The following SLF1 variants were observed in gnomAD, a reference collection of about 807,000 sequenced individuals.
SLF1 encodes the protein SMC5/6 complex localization factor 1, also known as SMC5-SMC6 complex localization factor protein 1.
A neutral mutation model predicts 123.0 loss-of-function variants in SLF1; 105 were observed. The observed-to-expected ratio is 0.85, with a 90% confidence interval of 0.73 to 1.00. The LOEUF is 1.00. SLF1 is among the 50% of genes least tolerant of loss of function. The pLI is 0.00. For missense variants in SLF1, 1,239 were observed against 1,223.0 expected (o/e 1.01, Z -0.20); for synonymous variants, 434 against 406.6 (o/e 1.07, Z -0.81).
intron 6 of SLF1, 68 bp downstream of exon 6, chr5:94,649,665 A>G (rs1747451567): frequency 1.5e-6 from 2 of 1,300,726 alleles, no homozygotes; most frequent in Admixed American, 3.2e-5. Context: ...GAGGCAAAGT[A>G]TGGTGGAAAA....
At chr5:94,637,425 T>C (rs1745940287) in intron 4 of SLF1, among the ~76,000 whole-genome samples, 2 of 152,080 alleles carry the variant, frequency 1.3e-5, no homozygotes, top group African/African-American at 4.8e-5. Context: ...AGCTGCAGGC[T>C]AGGCACTGCA....
rs959677830 is a variant in SLF1 at position 94,689,384 on chromosome 5, G to A, written c.2286-89G>A. 7 of 1,328,540 alleles carry A rather than the reference G, an allele frequency of 5.3e-6. No homozygotes were observed. In the African/African-American group the frequency reaches 1.0e-4, roughly 20 times the overall value. The allele number at this position is 1,328,540 out of a possible 1,614,324, so 82.3% of individuals were successfully genotyped here. On this transcript the variant is annotated intron_variant, in intron 17 of 20. Coordinates refer to ENST00000265140, the MANE Select transcript of SLF1 (RefSeq NM_032290.4). ...GAGTAAGGGAGTTTAAATTAAAAGG[G>A]GGCTAGACTTTTAAAAAATACCATC...
At chr5:94,634,660 A>C (rs1157717056) in intron 4 of SLF1, among the ~76,000 whole-genome samples, 5 of 152,170 alleles carry the variant, frequency 3.3e-5, no homozygotes, top group African/African-American at 1.2e-4. Flanking sequence ...GCTCTTTAAC[A>C]TACTGGTTTA....
At chr5:94,631,970 CTTTTTTT>C (rs1021934536) in intron 4 of SLF1, among the ~76,000 whole-genome samples, 3 of 108,788 alleles carry the variant, frequency 2.8e-5, no homozygotes, top group East Asian at 4.7e-4. Flanking sequence ...TTTTTTCTTT[CTTTTTTT>C]TTTTTTTTTT....
intron 15 of SLF1, among the ~76,000 whole-genome samples, chr5:94,680,852 T>C (rs970760987): frequency 5.3e-5 from 8 of 152,218 alleles, no homozygotes; most frequent in Non-Finnish European, 1.5e-5. Context: ...AACCTAGAAC[T>C]TTGATTCTGT....
Position 94,688,544 on chromosome 5 carries a change from G to A in SLF1, c.2160G>A (p.Val720=). ...SYLPALGKTG[V]LGSGKIQVSK... Reference sequence around the variant, plus strand: ...TACCAGCCTTGGGGAAAACTGGTGTGCTTGGGTCTGGAAAGATTCAGGTGT... The same window carrying A: ...TACCAGCCTTGGGGAAAACTGGTGTACTTGGGTCTGGAAAGATTCAGGTGT... Residue 720 remains valine (V), a synonymous_variant, in exon 17 of 21, where the codon GTG becomes GTA. Coordinates refer to ENST00000265140, the MANE Select transcript of SLF1 (RefSeq NM_032290.4). 1.2e-6 allele frequency: 2 copies of A among 1,614,086 alleles called. No homozygotes were observed. The highest frequency in any genetic ancestry group is 1.7e-6 in the Non-Finnish European group (2 of 1,179,974).
rs1791395327 is a variant in SLF1, at chr5:94,619,289, TTTTTTTTTTAAA to T, written c.-1+525_-1+536del. On this transcript the variant is annotated intron_variant, in intron 1 of 20. Coordinates refer to ENST00000265140, the MANE Select transcript of SLF1 (RefSeq NM_032290.4). Reference sequence around the variant, plus strand: ...TCATTCTTTCCTCTCTAGTAGAATTTTTTTTTTTTAAACTGCTAAAACGGCAGTGATCCTATC... The same window carrying T: ...TCATTCTTTCCTCTCTAGTAGAATTTCTGCTAAAACGGCAGTGATCCTATC... 3.9e-5 allele frequency among the ~76,000 whole-genome samples: 6 copies of T among 152,044 alleles called. No individual in the cohort carries two copies. The South Asian group carries it at 1.2e-3, about 32-fold the overall frequency.
intron 4 of SLF1, among the ~76,000 whole-genome samples, chr5:94,636,735 T>G (rs1391376642): frequency 2.0e-5 from 2 of 100,442 alleles, no homozygotes; most frequent in Non-Finnish European, 4.2e-5. Flanking sequence ...TTTTTTTTTT[T>G]GAGATGGAAC....
At chr5:94,625,956 A>T (rs955760118) in intron 1 of SLF1, among the ~76,000 whole-genome samples, 8 of 152,088 alleles carry the variant, frequency 5.3e-5, no homozygotes, top group African/African-American at 1.9e-4. Flanking sequence ...AAATGGTTTT[A>T]AAAAATTGTA....
chr5:94,658,212 T>G (rs1748658644), intron 9 of SLF1, among the ~76,000 whole-genome samples: 1 of 151,828 alleles, frequency 6.6e-6, no homozygotes, highest in Non-Finnish European at 1.5e-5. Flanking sequence ...TCATTTGTAT[T>G]TTTGCTTTAC....
Position 94,692,247 on chromosome 5 carries a change from C to T in SLF1, c.2686C>T (p.Gln896Ter), listed in dbSNP as rs762315532. 2 of 1,613,410 alleles carry T rather than the reference C, an allele frequency of 1.2e-6. No homozygotes were observed. Among genetic ancestry groups the T allele is most frequent in the South Asian group, 1.1e-5 (1 of 91,026 alleles). Residue 896 changes from glutamine (Q) to a stop codon, truncating the protein, a stop_gained, in exon 20 of 21, where the codon CAG (glutamine) becomes TAG (stop). Transcript: ENST00000265140. LOFTEE classifies it high-confidence loss of function. ...TGTAGAAATTGGCAAGCTGCTACTA[C>T]AGCATGGGGGTGAGTGTGTTTATGC... ...GHVEIGKLLL[Q>*]HGGPVLLQQR...
chr5:94,685,569 T>G (rs1752321191), intron 15 of SLF1, among the ~76,000 whole-genome samples: 1 of 152,204 alleles, frequency 6.6e-6, no homozygotes, highest in Non-Finnish European at 1.5e-5. Flanking sequence ...AGTCACTCCT[T>G]TATCACTTTG....
chr5:94,647,890 TCATA>T (rs1427916560), intron 5 of SLF1, among the ~76,000 whole-genome samples: 1 of 152,214 alleles, frequency 6.6e-6, no homozygotes, highest in Non-Finnish European at 1.5e-5. Context: ...GGTACTAGTA[TCATA>T]CATCTTAATT....
At chr5:94,622,539 A>G (rs535150230) in intron 1 of SLF1, among the ~76,000 whole-genome samples, 1 of 152,264 alleles carries the variant, frequency 6.6e-6, no homozygotes, top group South Asian at 2.1e-4. Flanking sequence ...CTCAGATAAA[A>G]CCTAAAAGTC....
At chr5:94,679,096 C>T in intron 15 of SLF1, 141 bp downstream of exon 15, 3 of 793,598 alleles carry the variant, frequency 3.8e-6, no homozygotes, top group Non-Finnish European at 5.8e-6. Flanking sequence ...CACATAGATT[C>T]ACACACACAG....
Position 94,695,236 on chromosome 5 carries a change from T to C in SLF1, c.3101T>C (p.Val1034Ala), listed in dbSNP as rs538173872. The change falls in exon 21 of 21, where the codon GTG becomes GCG. Residue 1034 changes from valine (V) to alanine (A), a missense_variant. By Grantham distance (64) the Val-to-Ala change is moderately conservative. Transcript: ENST00000265140. Reference protein sequence around the residue: ...ILKELPENLKVCPGVHTEALM... With the variant: ...ILKELPENLKACPGVHTEALM... ...AAGGAACTGCCTGAGAATTTGAAAG[T>C]GTGTCCTGGGGTACACACTGAGGCC... is the stretch of plus-strand genomic sequence containing the variant. 40 of 1,612,540 alleles carry C rather than the reference T, an allele frequency of 2.5e-5. No homozygotes were observed. The South Asian group carries it at 4.1e-4, about 16-fold the overall frequency.
chr5:94,651,819 T>C lies in SLF1; in HGVS notation c.856T>C (p.Phe286Leu). 6.8e-7 allele frequency: 1 copy of C among 1,475,812 alleles called. No individual in the cohort carries two copies. Among genetic ancestry groups the C allele is most frequent in the Non-Finnish European group, 9.1e-7 (1 of 1,100,278 alleles). The allele number at this position is 1,475,812 out of a possible 1,614,324, so 91.4% of individuals were successfully genotyped here. Reference sequence around the variant, plus strand: ...GAAATTTGTTAAAATGAGAAATACCTTTGGAAGCCATACATATGAAAATCA... The same window carrying C: ...GAAATTTGTTAAAATGAGAAATACCCTTGGAAGCCATACATATGAAAATCA... ...DLKFVKMRNT[F>L]GSHTYENQKE... Residue 286 changes from phenylalanine to leucine, a missense_variant, in exon 7 of 21, where the codon TTT (phenylalanine) becomes CTT (leucine). Coordinates refer to ENST00000265140, the MANE Select transcript of SLF1 (RefSeq NM_032290.4).
At chr5:94,625,832 A>C (rs1398509379) in intron 1 of SLF1, among the ~76,000 whole-genome samples, 2 of 152,184 alleles carry the variant, frequency 1.3e-5, no homozygotes, top group Non-Finnish European at 2.9e-5. Flanking sequence ...GTTCTGCATC[A>C]GACTAAATCA....
chr5:94,641,692 T>C (rs1746466090), intron 4 of SLF1, among the ~76,000 whole-genome samples: 1 of 152,196 alleles, frequency 6.6e-6, no homozygotes, highest in South Asian at 2.1e-4. Flanking sequence ...CCTTTCTCTG[T>C]TGTTACTCAG....
Sources: allele counts gnomAD v4.1 joint callset (sites outside exome capture counted in the v4.1 genomes callset), GRCh38; gene constraint gnomAD v4.1.1; transcripts MANE v1.5; gene names NCBI Gene and HGNC (gene_info 2026-07-23, HGNC 2026-07-21).